COL18A1: variants seen among roughly 807,000 people sequenced by gnomAD.
COL18A1 encodes the protein collagen alpha-1(XVIII) chain.
Under a neutral mutation model 168.0 loss-of-function variants are expected in COL18A1, and 133 were observed. The ratio of observed to expected loss-of-function variants is 0.79; its 90% CI spans 0.69 to 0.91. The LOEUF (loss-of-function observed/expected upper bound fraction) is 0.91, where lower values mean the gene tolerates loss of function less well. Ranked by LOEUF, COL18A1 falls within the 40% of genes least tolerant of loss-of-function variation. The pLI is 0.00. For synonymous variants in COL18A1, 949 were observed against 809.0 expected (o/e 1.17, Z -2.94); for missense variants, 2,126 against 1,925.4 (o/e 1.10, Z -1.95).
intron 19 of COL18A1, 81 bp from the exon 20 acceptor site, chr21:45,490,194 G>A (rs2036267528): frequency 1.7e-6 from 2 of 1,198,288 alleles, no homozygotes; most frequent in African/African-American, 3.1e-5. Flanking sequence ...CACGTCCACG[G>A]GTGCCCCGGA....
intron 2 of COL18A1, chr21:45,455,745 A>G: frequency 2.5e-6 from 4 of 1,613,764 alleles, no homozygotes; most frequent in Non-Finnish European, 3.4e-6. Context: ...GGTTCCACAG[A>G]GCCAGCGACA....
rs941352678 is a variant in COL18A1 at position 45,463,053 on chromosome 21, C to T, written c.107-5189C>T. 6.6e-6 allele frequency among the ~76,000 whole-genome samples: 1 copy of T among 152,234 alleles called. No homozygotes were observed. The highest frequency in any genetic ancestry group is 2.1e-4 in the South Asian group (1 of 4,818). On this transcript the variant is annotated intron_variant, in intron 2 of 41. Coordinates refer to ENST00000651438, the MANE Select transcript of COL18A1 (RefSeq NM_001379500.1). This position sits in a 1 kb window ranked among gnomAD's most constrained non-coding sequence, Gnocchi z 4.0. ...TTACATGCTGCTGTTTTTCAATGTC[C>T]CGTTCTTTCATGTTTGGCTCCCAAA...
At chr21:45,424,649 G>C (rs956218946) in intron 2 of COL18A1, 2 of 152,244 alleles carry the variant, frequency 1.3e-5, no homozygotes, top group Non-Finnish European at 2.9e-5. Flanking sequence ...GGTGTGACCT[G>C]ACCCTGGACC....
At chr21:45,437,289 CACACACACACACTCACACAG>C (rs2034152653) in intron 2 of COL18A1, among the ~76,000 whole-genome samples, 1 of 126,640 alleles carries the variant, frequency 7.9e-6, no homozygotes, top group Admixed American at 7.6e-5. Context: ...CACTCTCCTG[CACACACACACACTCACACAG>C]GCACTCTCCT....
chr21:45,418,057 G>A (rs868437324), intron 2 of COL18A1, among the ~76,000 whole-genome samples: 2 of 152,214 alleles, frequency 1.3e-5, no homozygotes, highest in South Asian at 2.1e-4. Flanking sequence ...TGCCGCCCCC[G>A]GAGCGCTGGC....
rs141598570 is a variant in COL18A1 at position 45,498,111 on chromosome 21, A to G, written c.2683+450A>G. Reference sequence around the variant, plus strand: ...TGAGCCCAGCACCCCTGCTCCCCCAAAGGACAAGAATTCCCCCCTGAGCCC... The same window carrying G: ...TGAGCCCAGCACCCCTGCTCCCCCAGAGGACAAGAATTCCCCCCTGAGCCC... On this transcript the variant is annotated intron_variant, in intron 32 of 41. Coordinates refer to ENST00000651438, the MANE Select transcript of COL18A1 (RefSeq NM_001379500.1). This position sits in a 1 kb window ranked among gnomAD's most constrained non-coding sequence, Gnocchi z 4.5. The G allele has an allele frequency of 4.6e-4, 290 of 624,936 alleles. No individual in the cohort carries two copies. The highest frequency in any genetic ancestry group is 6.7e-4 in the Non-Finnish European group (233 of 349,206). The allele number at this position is 624,936 out of a possible 1,614,324, so 38.7% of individuals were successfully genotyped here.
chr21:45,438,424 AC>A (rs2034278144), intron 2 of COL18A1, among the ~76,000 whole-genome samples: 1 of 152,062 alleles, frequency 6.6e-6, no homozygotes, highest in Admixed American at 6.5e-5. Context: ...TGGGCAGGGG[AC>A]CCCGGACCTG....
intron 2 of COL18A1, among the ~76,000 whole-genome samples, chr21:45,446,282 C>G (rs538810034): frequency 1.3e-5 from 2 of 152,214 alleles, no homozygotes; most frequent in East Asian, 1.9e-4. Flanking sequence ...TGCACCGATG[C>G]GTGTGTCTGT....
intron 38 of COL18A1, among the ~76,000 whole-genome samples, chr21:45,508,424 G>A (rs1037822042): frequency 6.7e-6 from 1 of 149,622 alleles, no homozygotes; most frequent in Admixed American, 6.6e-5. Context: ...GGATGAATGG[G>A]TGGATGGATG....
At chr21:45,445,812 T>A (rs1569293392) in intron 2 of COL18A1, among the ~76,000 whole-genome samples, 1 of 152,236 alleles carries the variant, frequency 6.6e-6, no homozygotes, top group Non-Finnish European at 1.5e-5. Flanking sequence ...TTTTTGTTGT[T>A]GATTTATGAG....
intron 15 of COL18A1, among the ~76,000 whole-genome samples, chr21:45,483,068 C>T (rs371139550): frequency 3.2e-4 from 48 of 152,370 alleles, no homozygotes; most frequent in East Asian, 1.3e-3. Context: ...TCTGGTCTGC[C>T]GGTGAACTGA....
chr21:45,406,349 G>A (rs2033110060), intron 2 of COL18A1, among the ~76,000 whole-genome samples: 1 of 152,214 alleles, frequency 6.6e-6, no homozygotes. Flanking sequence ...CAGCGGGTGA[G>A]GAAGCAGGAA....
Position 45,505,436 on chromosome 21 carries a change from GTGTC to G in COL18A1, c.3087+8_3087+11del, listed in dbSNP as rs1231114515. 7 of 1,519,110 alleles carry G rather than the reference GTGTC, an allele frequency of 4.6e-6. No individual in the cohort carries two copies. The highest frequency in any genetic ancestry group is 1.4e-5 in the African/African-American group (1 of 73,390). 94.1% of individuals were successfully genotyped at this position (1,519,110 alleles called of 1,614,324 possible). A position where few individuals can be genotyped will look rare whatever the true frequency, so the allele number is the denominator to read the frequency against. On this transcript the variant is annotated splice_donor_region_variant and intron_variant, in intron 36 of 41. Transcript: ENST00000651438. ...ACCATGGGCGCCTCCTCAGGGGTAA[GTGTC>G]TGGGCAGCCGGCTGGGCACCTGCGT... is the stretch of plus-strand genomic sequence containing the variant.
chr21:45,483,876 ACC>A (rs1363948674), intron 15 of COL18A1, among the ~76,000 whole-genome samples: 1 of 151,202 alleles, frequency 6.6e-6, no homozygotes, highest in Non-Finnish European at 1.5e-5. Flanking sequence ...ACACACACAC[ACC>A]TCTCCAGCAT....
chr21:45,459,945 CT>C (rs1426838119), intron 2 of COL18A1, among the ~76,000 whole-genome samples: 2 of 152,262 alleles, frequency 1.3e-5, no homozygotes, highest in Non-Finnish European at 2.9e-5. Context: ...CTCTACACCC[CT>C]CCTGAGCTCT....
In COL18A1 at chr21:45,486,919, C is replaced by T. The variant is rs199823547; in HGVS notation, c.1760C>T (p.Ala587Val). The change falls in exon 16 of 42, where the codon GCC (alanine) becomes GTC (valine). Residue 587 changes from alanine to valine, a missense_variant. Physicochemically the swap from Ala to Val is moderately conservative, Grantham distance 64. Transcript: ENST00000651438. ...CGTGGGGAGAGCGGCCTGGCAGGAG[C>T]CCCCGGACCTGCTGGACCACCAGGC... ...GARGESGLAG[A>V]PGPAGPPGPP... 6.3e-4 allele frequency: 946 copies of T among 1,512,518 alleles called. 1 individual carries two copies. Among genetic ancestry groups the T allele is most frequent in the Non-Finnish European group, 7.5e-4 (844 of 1,131,516 alleles). The allele number at this position is 1,512,518 out of a possible 1,614,324, so 93.7% of individuals were successfully genotyped here.
At chr21:45,460,661 A>G (rs2035010180) in intron 2 of COL18A1, among the ~76,000 whole-genome samples, 1 of 152,208 alleles carries the variant, frequency 6.6e-6, no homozygotes, top group South Asian at 2.1e-4. Context: ...TTCTCCTTAA[A>G]ATGCTTTGAT....
chr21:45,437,468 G>T (rs1204114093), intron 2 of COL18A1, among the ~76,000 whole-genome samples: 2 of 78,216 alleles, frequency 2.6e-5, no homozygotes, highest in Non-Finnish European at 4.5e-5. Context: ...AGACACACAG[G>T]CACTCTCCTG....
At chr21:45,475,111 C>T (rs1039236313) in intron 4 of COL18A1, among the ~76,000 whole-genome samples, 4 of 152,208 alleles carry the variant, frequency 2.6e-5, no homozygotes, top group Admixed American at 6.5e-5. Context: ...GCCGGGCGTG[C>T]GCTGGGGAAA....
Sources: gnomAD v4.1 joint callset for allele counts (sites outside exome capture counted in the v4.1 genomes callset) on GRCh38, gnomAD v4.1.1 for gene constraint, Gnocchi (gnomAD v3.1) non-coding constraint, MANE v1.5 for transcripts, NCBI Gene and HGNC (gene_info 2026-07-23, HGNC 2026-07-21) for gene names.